Variants in PCDH11Y observed in about 807,000 individuals in gnomAD.
PCDH11Y encodes the protein protocadherin-11 Y-linked.
For synonymous variants in PCDH11Y, 9 were observed against 83.6 expected (o/e 0.11, Z 4.87); for missense variants, 12 against 224.8 (o/e 0.05, Z 6.05).
At chrY:5,476,326 G>T in intron 2 of PCDH11Y, among the ~76,000 whole-genome samples, 1 of 27,530 alleles carries the variant, frequency 3.6e-5, no homozygotes, top group African/African-American at 1.4e-4. Flanking sequence ...AGGCTGAGAC[G>T]GGGATTCCTT....
At chrY:5,382,384 G>C in intron 2 of PCDH11Y, among the ~76,000 whole-genome samples, 1 of 33,190 alleles carries the variant, frequency 3.0e-5, no homozygotes, top group African/African-American at 1.2e-4. Context: ...TTAGGAAAGG[G>C]TTAAAGTGAA....
intron 1 of PCDH11Y, among the ~76,000 whole-genome samples, chrY:5,072,486 A>G: frequency 3.3e-5 from 1 of 30,404 alleles, no homozygotes; most frequent in African/African-American, 1.3e-4. Flanking sequence ...CTTTCATCCT[A>G]TTGTGTTTTT....
intron 3 of PCDH11Y, among the ~76,000 whole-genome samples, chrY:5,569,893 A>G: frequency 3.0e-5 from 1 of 33,270 alleles, no homozygotes; most frequent in African/African-American, 1.2e-4. Flanking sequence ...ACAAATGCAG[A>G]ATCAAATTAT....
At chrY:5,108,762 A>G, downstream of PCDH11Y, among the ~76,000 whole-genome samples, 2 of 29,865 alleles carry the variant, frequency 6.7e-5, no homozygotes, top group Non-Finnish European at 1.6e-4. Flanking sequence ...AAAAAAAAAA[A>G]AAAAAGAAAA....
intron 2 of PCDH11Y, among the ~76,000 whole-genome samples, chrY:5,112,571 G>A (rs1410656433): frequency 3.0e-5 from 1 of 33,120 alleles, no homozygotes; most frequent in Non-Finnish European, 7.5e-5. Flanking sequence ...TCAACTTTAT[G>A]GGTTTAATTT....
At chrY:5,211,687 G>C (rs2052938796) in intron 2 of PCDH11Y, among the ~76,000 whole-genome samples, 1 of 33,300 alleles carries the variant, frequency 3.0e-5, no homozygotes, top group Non-Finnish European at 7.4e-5. Flanking sequence ...TGTCACCCAG[G>C]CTGGAGTGCA....
chrY:5,233,579 T>G (rs2052970675), intron 2 of PCDH11Y, among the ~76,000 whole-genome samples: 1 of 33,777 alleles, frequency 3.0e-5, no homozygotes, highest in East Asian at 7.8e-4. Flanking sequence ...GAAATAGCAC[T>G]TTTAGCCAAA....
At chrY:5,435,957 C>CCATT (rs2053274889) in intron 2 of PCDH11Y, among the ~76,000 whole-genome samples, 1 of 32,970 alleles carries the variant, frequency 3.0e-5, no homozygotes, top group Non-Finnish European at 7.5e-5. Context: ...AAGAGAAAGT[C>CCATT]CATTCATTCA....
At chrY:5,089,926 G>A in intron 1 of PCDH11Y, among the ~76,000 whole-genome samples, 1 of 33,239 alleles carries the variant, frequency 3.0e-5, no homozygotes, top group African/African-American at 1.2e-4. Flanking sequence ...ACCAATCAGA[G>A]TTAGAAGCAC....
intron 4 of PCDH11Y, among the ~76,000 whole-genome samples, chrY:5,696,294 A>G (rs2053572427): frequency 3.1e-5 from 1 of 32,492 alleles, no homozygotes; most frequent in Non-Finnish European, 7.6e-5. Context: ...TTTAGAACTC[A>G]TTATTGGTCC....
At chrY:5,462,705 C>T (rs2053304761) in intron 2 of PCDH11Y, among the ~76,000 whole-genome samples, 1 of 31,331 alleles carries the variant, frequency 3.2e-5, no homozygotes, top group Non-Finnish European at 7.7e-5. Context: ...GGTGTGATCT[C>T]GGCTCACTGC....
At chrY:5,272,556 G>A (rs2053038195) in intron 2 of PCDH11Y, among the ~76,000 whole-genome samples, 31 of 33,176 alleles carry the variant, frequency 9.3e-4, no homozygotes, top group African/African-American at 3.4e-3. Flanking sequence ...GCATTCTGAT[G>A]TCTGGGAGGT....
At chrY:5,285,409 G>A (rs2053058816) in intron 2 of PCDH11Y, among the ~76,000 whole-genome samples, 1 of 32,954 alleles carries the variant, frequency 3.0e-5, no homozygotes, top group African/African-American at 1.2e-4. Context: ...ATTCCTTTGC[G>A]TATATACCCA....
chrY:5,175,359 A>C, intron 2 of PCDH11Y, among the ~76,000 whole-genome samples: 1 of 31,475 alleles, frequency 3.2e-5, no homozygotes, highest in South Asian at 7.2e-4. Context: ...AAGGATTTGG[A>C]AATTTCTTTT....
chrY:5,316,714 A>G, intron 2 of PCDH11Y, among the ~76,000 whole-genome samples: 12 of 32,981 alleles, frequency 3.6e-4, no homozygotes, highest in Admixed American at 3.4e-3. Flanking sequence ...GACTCCCCAG[A>G]CCCCTTAGAT....
At chrY:5,547,245 TTATC>T (rs541682691) in intron 3 of PCDH11Y, among the ~76,000 whole-genome samples, 18 of 19,052 alleles carry the variant, frequency 9.4e-4, no homozygotes, top group Non-Finnish European at 1.5e-3. Context: ...AACCTAAATT[TTATC>T]TATCTATCTA....
intron 2 of PCDH11Y, among the ~76,000 whole-genome samples, chrY:5,357,093 GC>G (rs2053167782): frequency 7.3e-5 from 2 of 27,463 alleles, no homozygotes. Context: ...GTAGGCTGAG[GC>G]AGGAGAATCG....
At chrY:5,536,406 T>C in intron 3 of PCDH11Y, among the ~76,000 whole-genome samples, 4 of 33,314 alleles carry the variant, frequency 1.2e-4, no homozygotes, top group Admixed American at 1.1e-3. Context: ...GGATTGTTTT[T>C]GTTTTGTTTT....
chrY:5,678,350 T>C, intron 4 of PCDH11Y, among the ~76,000 whole-genome samples: 1 of 32,716 alleles, frequency 3.1e-5, no homozygotes, highest in Non-Finnish European at 7.5e-5. Flanking sequence ...AAGGCTTTTG[T>C]ATGAAAAAAG....
Sources: allele counts gnomAD v4.1 joint callset (sites outside exome capture counted in the v4.1 genomes callset), GRCh38; gene constraint gnomAD v4.1.1; transcripts MANE v1.5; gene names NCBI Gene and HGNC (gene_info 2026-07-23, HGNC 2026-07-21).